COL28A1: variants seen among roughly 807,000 people sequenced by gnomAD.
COL28A1 encodes collagen alpha-1(XXVIII) chain.
COL28A1 carries 161 observed loss-of-function variants against 150.2 expected under a neutral mutation model. The observed-to-expected ratio is 1.07, with a 90% CI of 0.94 to 1.22. The LOEUF is 1.22. Among genes scored for constraint, COL28A1 ranks in the 50% most tolerant of loss-of-function variants. The pLI, the probability that COL28A1 is intolerant of heterozygous loss-of-function variation, is 0.00. For synonymous variants in COL28A1, 552 were observed against 469.7 expected, an observed-to-expected ratio of 1.18 and a Z score of -2.26; for missense variants, 1,617 against 1,388.3, an observed-to-expected ratio of 1.16 and a Z score of -2.62.
At position 7,377,186 on chromosome 7, in the gene COL28A1, A is replaced by C. The variant is rs183640346; in HGVS notation, c.2323-1689T>G. On this transcript the variant is annotated intron_variant, in intron 30 of 34. Transcript: ENST00000399429. ...TATCAAGGTTAGATTTTAATTTTGC[A>C]ACATATTTTGTGGCATAATCAGGTT... is the stretch of plus-strand genomic sequence containing the variant. Among the ~76,000 whole-genome samples the C allele has an allele frequency of 1.1e-3, 160 of 152,296 alleles. 1 individual carries two copies. Among genetic ancestry groups the C allele is most frequent in the African/African-American group, 3.6e-3 (150 of 41,552 alleles).
At chr7:7,494,036 AGTGTGAATGT>A (rs528550214) in intron 11 of COL28A1, among the ~76,000 whole-genome samples, 10 of 152,132 alleles carry the variant, frequency 6.6e-5, no homozygotes, top group Admixed American at 3.9e-4. Flanking sequence ...CCTCCATGTG[AGTGTGAATGT>A]GTGTGAATGT....
intron 2 of COL28A1, 128 bp downstream of exon 2, chr7:7,532,619 AATTTT>A (rs1184593151): frequency 1.7e-6 from 2 of 1,162,276 alleles, no homozygotes; most frequent in Non-Finnish European, 2.3e-6. Flanking sequence ...ATCATCATAT[AATTTT>A]ATCAAAGTAG....
intron 34 of COL28A1, among the ~76,000 whole-genome samples, chr7:7,360,150 C>G (rs190373412): frequency 6.6e-6 from 1 of 152,258 alleles, no homozygotes; most frequent in East Asian, 1.9e-4. Flanking sequence ...TAAATAAGAA[C>G]TTTGAAATTC....
intron 2 of COL28A1, among the ~76,000 whole-genome samples, chr7:7,532,222 A>G (rs1422659322): frequency 6.6e-6 from 1 of 152,168 alleles, no homozygotes; most frequent in Non-Finnish European, 1.5e-5. Context: ...TAAAAATCCA[A>G]CTAACACTGA....
In COL28A1 at chr7:7,451,065, T is replaced by TG. The variant is rs200180395; in HGVS notation, c.1509+1253dup. 6.1e-3 allele frequency among the ~76,000 whole-genome samples: 935 copies of TG among 152,114 alleles called. 7 individuals are homozygous for TG. Among genetic ancestry groups the TG allele is most frequent in the East Asian group, 0.022 (114 of 5,180 alleles). On this transcript the variant is annotated intron_variant, in intron 18 of 34. Coordinates refer to ENST00000399429, the MANE Select transcript of COL28A1 (RefSeq NM_001037763.3). ...TGTGTGAGGAGAGAAGGGAGGGCAG[T>TG]GGGATTGGGGAGTGCCAGCAGGGAC...
intron 27 of COL28A1, among the ~76,000 whole-genome samples, chr7:7,416,341 G>C (rs144526730): frequency 5.9e-5 from 9 of 152,254 alleles, no homozygotes; most frequent in African/African-American, 2.2e-4. Context: ...AGTTATAGTC[G>C]GTAAGGATTA....
At chr7:7,455,931 T>G (rs1478928838) in intron 16 of COL28A1, 113 bp downstream of exon 16, 2 of 1,395,948 alleles carry the variant, frequency 1.4e-6, no homozygotes, top group South Asian at 1.7e-5. Flanking sequence ...TATACTCCAC[T>G]GCAATTAACT....
downstream of COL28A1, among the ~76,000 whole-genome samples, chr7:7,357,337 A>G (rs1780391087): frequency 6.6e-6 from 1 of 152,040 alleles, no homozygotes; most frequent in East Asian, 2.0e-4. Context: ...GGCGTGAGCC[A>G]CGGCGCCCAG....
intron 27 of COL28A1, among the ~76,000 whole-genome samples, chr7:7,397,911 G>A (rs1229355285): frequency 6.6e-6 from 1 of 152,132 alleles, no homozygotes; most frequent in African/African-American, 2.4e-5. Context: ...TTCACCTGAC[G>A]TAACTAAAAG....
Position 7,515,817 on chromosome 7 carries a change from G to A in COL28A1, c.879C>T (p.Asp293=), listed in dbSNP as rs371989020. 6.6e-6 allele frequency: 7 copies of A among 1,065,644 alleles called. No individual in the cohort carries two copies. The African/African-American group carries it at 1.1e-4, about 17-fold the overall frequency. 66.0% of individuals were successfully genotyped at this position (1,065,644 alleles called of 1,614,324 possible). Residue 293 remains aspartate, a synonymous_variant, in exon 8 of 35, where the codon GAC becomes GAT. Coordinates refer to ENST00000399429, the MANE Select transcript of COL28A1 (RefSeq NM_001037763.3). The part of the protein sequence containing the change: ...GPGGIPGYKG[D]KGERGECGKP... ...CTATTTGTTGTTACCAACTTACCTT[G>A]TCACCCTTGTACCCAGGAATTCCCT...
At position 7,521,913 on chromosome 7, in the gene COL28A1, C is replaced by T. The variant is rs760882749; in HGVS notation, c.751G>A (p.Gly251Arg). ...ECEKGDPGDPGPPGTHGNPGI... is the reference protein window; with the variant it reads ...ECEKGDPGDPRPPGTHGNPGI... ...AGTGGAAGTATACTCACAGGAGGCC[C>T]TGGATCACCTGGATCTCCCTTCTCA... The change falls in exon 5 of 35, where the codon GGG (glycine) becomes AGG (arginine). Residue 251 changes from glycine (G) to arginine (R), a missense_variant. Gly to Arg is a moderately radical substitution (Grantham distance 125, BLOSUM62 -2). Transcript: ENST00000399429. 9.1e-7 allele frequency: 1 copy of T among 1,102,384 alleles called. No individual in the cohort carries two copies. The highest frequency in any genetic ancestry group is 1.2e-5 in the South Asian group (1 of 80,924). 68.3% of individuals were successfully genotyped at this position (1,102,384 alleles called of 1,614,324 possible).
intron 8 of COL28A1, among the ~76,000 whole-genome samples, chr7:7,514,095 G>C (rs550410713): frequency 1.6e-4 from 24 of 152,266 alleles, no homozygotes; most frequent in Admixed American, 5.2e-4. Flanking sequence ...TCTCCAGAAA[G>C]TGAAATTAAT....
chr7:7,528,112 C>A (rs1304519989), intron 3 of COL28A1, among the ~76,000 whole-genome samples: 1 of 151,964 alleles, frequency 6.6e-6, no homozygotes, highest in African/African-American at 2.4e-5. Flanking sequence ...GAGGGAATAC[C>A]TTAAATTTAT....
chr7:7,388,915 G>T (rs1182061120), intron 27 of COL28A1, among the ~76,000 whole-genome samples: 1 of 152,114 alleles, frequency 6.6e-6, no homozygotes, highest in Non-Finnish European at 1.5e-5. Context: ...CAGATGGATA[G>T]ATAGCAAAAA....
Position 7,426,295 on chromosome 7 carries a change from T to C in COL28A1, c.1998+6178A>G, listed in dbSNP as rs1270168627. 2.0e-5 allele frequency among the ~76,000 whole-genome samples: 3 copies of C among 152,226 alleles called. No homozygotes were observed. The East Asian group carries it at 5.8e-4, about 29-fold the overall frequency. ...TTTTTAAATAAAATTAAGATATAAC[T>C]ACTCCAACTACCACAAACATAGGCA... On this transcript the variant is annotated intron_variant, in intron 25 of 34. Transcript: ENST00000399429.
intron 18 of COL28A1, among the ~76,000 whole-genome samples, chr7:7,446,488 T>G (rs1786268443): frequency 6.6e-6 from 1 of 152,204 alleles, no homozygotes; most frequent in Non-Finnish European, 1.5e-5. Flanking sequence ...GATCACAAGC[T>G]TAGTTGGTTT....
downstream of COL28A1, among the ~76,000 whole-genome samples, chr7:7,355,844 C>T (rs889862214): frequency 6.6e-6 from 1 of 152,006 alleles, no homozygotes; most frequent in African/African-American, 2.4e-5. Context: ...GGAATATACC[C>T]CAGAAAAACA....
intron 15 of COL28A1, among the ~76,000 whole-genome samples, chr7:7,465,613 G>T (rs907504797): frequency 7.6e-6 from 1 of 131,160 alleles, no homozygotes; most frequent in East Asian, 2.3e-4. Flanking sequence ...ACAGCTCAAG[G>T]AGGCCTGCCT....
intron 6 of COL28A1, among the ~76,000 whole-genome samples, chr7:7,519,828 C>T (rs1781614416): frequency 6.6e-6 from 1 of 152,084 alleles, no homozygotes; most frequent in Non-Finnish European, 1.5e-5. Context: ...TTCAATGTCC[C>T]TAGGTTTCCT....
Sources: allele counts gnomAD v4.1 joint callset (sites outside exome capture counted in the v4.1 genomes callset), GRCh38; gene constraint gnomAD v4.1.1; transcripts MANE v1.5; gene names NCBI Gene and HGNC (gene_info 2026-07-23, HGNC 2026-07-21).